Variants in DNAAF19 observed in about 807,000 individuals in gnomAD.
DNAAF19 encodes the protein dynein axonemal assembly factor 19.
chr17:44,905,267 A>G, the DNAAF19 span: 1 of 591,664 alleles, frequency 1.7e-6, no homozygotes, highest in African/African-American at 1.9e-5. Context: ...CTGGTGGGAG[A>G]TTGGGGACTG....
the DNAAF19 span, among the ~76,000 whole-genome samples, chr17:44,900,107 A>G: frequency 6.6e-6 from 1 of 152,094 alleles, no homozygotes; most frequent in African/African-American, 2.4e-5. Context: ...CAGAGCCACG[A>G]CTAGAACCCA....
At chr17:44,905,166 G>T in the DNAAF19 span, 10 of 963,006 alleles carry the variant, frequency 1.0e-5, no homozygotes, top group Non-Finnish European at 1.5e-5. Flanking sequence ...TGGGACAGGT[G>T]GTAGGAACAT....
At chr17:44,904,380 G>A in the DNAAF19 span, 6 of 1,542,230 alleles carry the variant, frequency 3.9e-6, no homozygotes, top group African/African-American at 2.7e-5. Flanking sequence ...TGCGGAGTGC[G>A]TGGGGAGCAG....
the DNAAF19 span, chr17:44,903,650 T>C: frequency 2.1e-6 from 3 of 1,433,018 alleles, no homozygotes; most frequent in African/African-American, 2.9e-5. Context: ...ATCTTGTACA[T>C]CCACTGGGAA....
At chr17:44,904,682 C>G in the DNAAF19 span, 5 of 1,550,476 alleles carry the variant, frequency 3.2e-6, no homozygotes, top group Non-Finnish European at 4.4e-6. Flanking sequence ...GGGCCATGGA[C>G]TCATCATCTC....
chr17:44,900,285 G>A, the DNAAF19 span, among the ~76,000 whole-genome samples: 2 of 144,218 alleles, frequency 1.4e-5, no homozygotes, highest in African/African-American at 2.6e-5. Context: ...AACAGAGCCA[G>A]AAAAAAAAAA....
the DNAAF19 span, chr17:44,901,223 T>C: frequency 6.7e-7 from 1 of 1,503,396 alleles, no homozygotes; most frequent in Admixed American, 2.4e-5. Flanking sequence ...CATTCTGGGC[T>C]TCAGTCCTGG....
chr17:44,905,098 T>C, the DNAAF19 span: 6 of 1,484,442 alleles, frequency 4.0e-6, no homozygotes, highest in African/African-American at 7.0e-5. Flanking sequence ...TGAAGACCAG[T>C]TGTCCTTCAA....
chr17:44,903,601 C>T, the DNAAF19 span: 2 of 1,403,150 alleles, frequency 1.4e-6, no homozygotes, highest in East Asian at 2.6e-5. Context: ...ATGGCTTTCC[C>T]CCCCCACCCT....
chr17:44,901,086 A>G, the DNAAF19 span: 6 of 1,605,072 alleles, frequency 3.7e-6, no homozygotes, highest in African/African-American at 1.3e-5. Flanking sequence ...CAAACGGGAG[A>G]ATGCTGCCAA....
the DNAAF19 span, among the ~76,000 whole-genome samples, chr17:44,900,105 C>T: frequency 6.6e-6 from 1 of 151,994 alleles, no homozygotes; most frequent in East Asian, 1.9e-4. Flanking sequence ...GCCAGAGCCA[C>T]GACTAGAACC....
the DNAAF19 span, chr17:44,904,141 C>T: frequency 1.3e-6 from 2 of 1,550,458 alleles, no homozygotes. Flanking sequence ...CCCGCTTCAG[C>T]ATCCGCATGT....
the DNAAF19 span, chr17:44,903,905 A>C: frequency 5.8e-6 from 9 of 1,550,540 alleles, no homozygotes; most frequent in Admixed American, 9.8e-5. Flanking sequence ...GAAGGAAAAC[A>C]TTTTTCAGAG....
chr17:44,904,370 T>G, the DNAAF19 span: 2 of 1,543,684 alleles, frequency 1.3e-6, no homozygotes, highest in African/African-American at 1.4e-5. Context: ...CTGTGACCGC[T>G]GCGGAGTGCG....
chr17:44,904,805 C>T, the DNAAF19 span: 7 of 1,550,542 alleles, frequency 4.5e-6, no homozygotes, highest in Non-Finnish European at 5.2e-6. Context: ...GTTCATTGAC[C>T]ACGGCAACCA....
the DNAAF19 span, among the ~76,000 whole-genome samples, chr17:44,900,014 G>C: frequency 6.6e-6 from 1 of 152,086 alleles, no homozygotes; most frequent in Non-Finnish European, 1.5e-5. Flanking sequence ...CCTTGCGCTA[G>C]GGCTGTTGGT....
At chr17:44,904,938 C>T in the DNAAF19 span, 1 of 1,550,688 alleles carries the variant, frequency 6.4e-7, no homozygotes, top group Admixed American at 2.0e-5. Flanking sequence ...GCCTCGTTCT[C>T]AGATCCTGAG....
chr17:44,903,652 C>T, the DNAAF19 span: 27 of 1,433,082 alleles, frequency 1.9e-5, no homozygotes, highest in Non-Finnish European at 2.4e-5. Flanking sequence ...CTTGTACATC[C>T]ACTGGGAATA....
chr17:44,903,067 C>CT, the DNAAF19 span: 1 of 1,376,012 alleles, frequency 7.3e-7, no homozygotes, highest in African/African-American at 1.4e-5. Context: ...GTTTCCCACC[C>CT]TTAGAGTCTG....
Sources: allele counts gnomAD v4.1 joint callset (sites outside exome capture counted in the v4.1 genomes callset), GRCh38; gene constraint gnomAD v4.1.1; transcripts MANE v1.5; gene names NCBI Gene and HGNC (gene_info 2026-07-23, HGNC 2026-07-21).